The following CCDC59 variants were observed in gnomAD, a reference collection of about 807,000 sequenced individuals.
The protein encoded by CCDC59 is coiled-coil domain containing 59.
CCDC59 carries 27 observed loss-of-function variants against 30.5 expected under a neutral mutation model. The observed-to-expected ratio is 0.89, with a 90% CI of 0.65 to 1.22. The LOEUF (loss-of-function observed/expected upper bound fraction) is 1.22. Ranked by LOEUF, CCDC59 falls within the 50% of genes most tolerant of loss-of-function variation. The pLI is 0.00. For missense variants in CCDC59, 362 were observed against 284.4 expected (o/e 1.27, Z -1.96); for synonymous variants, 125 against 100.9 (o/e 1.24, Z -1.43).
At position 82,358,284 on chromosome 12, in the gene CCDC59, A is replaced by G; in HGVS notation, c.93T>C (p.Asn31=). ...GVSTVGYRNK[N]VRQKTWRPNH... ...TAGGCCGCCATGTCTTCTGTCTCAC[A>G]TTCTTATTCCTGTACCCGACAGTGG... The change falls in exon 1 of 4, where the codon AAT becomes AAC. Residue 31 remains asparagine, a synonymous_variant. Coordinates refer to ENST00000256151, the MANE Select transcript of CCDC59 (RefSeq NM_014167.5). The G allele has an allele frequency of 6.2e-7, 1 of 1,614,152 alleles. No individual in the cohort carries two copies. The highest frequency in any genetic ancestry group is 1.7e-5 in the Admixed American group (1 of 60,030).
Position 82,353,143 on chromosome 12 carries a change from C to T in CCDC59, c.*8G>A. On this transcript the variant is annotated 3_prime_UTR_variant, in exon 4 of 4. Coordinates refer to ENST00000256151, the MANE Select transcript of CCDC59 (RefSeq NM_014167.5). ...CAGCAGATATTTTAACCTGTAGGAACAAAATGTTTAACATTTTTCTTGTAT... is the reference window on the plus strand; with the variant it reads ...CAGCAGATATTTTAACCTGTAGGAATAAAATGTTTAACATTTTTCTTGTAT... The T allele has an allele frequency of 1.9e-6, 3 of 1,594,246 alleles. No homozygotes were observed. Among genetic ancestry groups the T allele is most frequent in the Middle Eastern group, 2.3e-4 (1 of 4,348 alleles).
chr12:82,357,041 C>A lies in CCDC59; in HGVS notation c.383G>T (p.Cys128Phe). The A allele has an allele frequency of 6.2e-7, 1 of 1,614,180 alleles. No homozygotes were observed. ...QVHQPLLEEQ[C>F]SIDEPLFEDQ... is the part of the protein sequence containing the mutation. ...TTCAAATAAAGGCTCGTCAATGCTACACTGTTCTTCAAGCAACGGCTGGTG... is the reference window on the plus strand; with the variant it reads ...TTCAAATAAAGGCTCGTCAATGCTAAACTGTTCTTCAAGCAACGGCTGGTG... Residue 128 changes from cysteine to phenylalanine, a missense_variant, in exon 2 of 4, where the codon TGT (cysteine) becomes TTT (phenylalanine). Physicochemically the swap from Cys to Phe is radical, Grantham distance 205. Coordinates refer to ENST00000256151, the MANE Select transcript of CCDC59 (RefSeq NM_014167.5).
rs1416254800 is a variant in CCDC59 at position 82,354,558 on chromosome 12, T to C, written c.501A>G (p.Thr167=). The change falls in exon 3 of 4, where the codon ACA becomes ACG. Residue 167 remains threonine (T), a synonymous_variant. Coordinates refer to ENST00000256151, the MANE Select transcript of CCDC59 (RefSeq NM_014167.5). The part of the protein sequence containing the change: ...FTIPKKNKKK[T]SNQKAQEEYE... ...ATTCTTCTTGTGCTTTTTGATTTGA[T>C]GTTTTCTTTTTATTTTTCTTTGGAA... 6.3e-7 allele frequency: 1 copy of C among 1,596,526 alleles called. No homozygotes were observed. The highest frequency in any genetic ancestry group is 8.6e-7 in the Non-Finnish European group (1 of 1,168,830).
chr12:82,356,532 C>T (rs1269769516), intron 2 of CCDC59, among the ~76,000 whole-genome samples: 1 of 152,156 alleles, frequency 6.6e-6, no homozygotes, highest in African/African-American at 2.4e-5. Context: ...TTATCTTTCC[C>T]AATTTAAAGA....
chr12:82,353,195 C>G lies in CCDC59; in HGVS notation c.682G>C (p.Val228Leu). Residue 228 changes from valine (V) to leucine (L), a missense_variant, in exon 4 of 4, where the codon GTA becomes CTA. Transcript: ENST00000256151. ...KTKKGQPNLN[V>L]QMEYLLQKIQ... ...TTTTGAAGAAGGTACTCCATTTGTA[C>G]ATTCAAGTTTGGTTGGCCCTTTTTA... 1 of 1,609,546 alleles carries G rather than the reference C, an allele frequency of 6.2e-7. No individual in the cohort carries two copies. Among genetic ancestry groups the G allele is most frequent in the African/African-American group, 1.3e-5 (1 of 74,738 alleles).
chr12:82,355,822 A>C (rs1392006761), intron 2 of CCDC59: 1 of 152,144 alleles, frequency 6.6e-6, no homozygotes, highest in East Asian at 1.9e-4. Context: ...TGAAAAGCTT[A>C]ACTTCCTCAA....
chr12:82,358,004 G>A (rs1021465747), intron 1 of CCDC59, among the ~76,000 whole-genome samples: 2 of 152,206 alleles, frequency 1.3e-5, no homozygotes, highest in African/African-American at 2.4e-5. Flanking sequence ...ATGAAATACA[G>A]GGTTACGTCA....
chr12:82,357,359 T>C (rs1387353480), intron 1 of CCDC59, 90 bp from the exon 2 acceptor site: 5 of 1,040,978 alleles, frequency 4.8e-6, no homozygotes, highest in Admixed American at 2.5e-5. Flanking sequence ...AAACTTTTTT[T>C]ACGTCATCAC....
intron 2 of CCDC59, chr12:82,355,556 C>G (rs1313502665): frequency 6.6e-6 from 1 of 152,182 alleles, no homozygotes; most frequent in Non-Finnish European, 1.5e-5. Flanking sequence ...ATACTTCAAA[C>G]TGCAAAAGTT....
intron 1 of CCDC59, 172 bp from the exon 2 acceptor site, chr12:82,357,441 T>C (rs1288161332): frequency 2.3e-5 from 14 of 613,984 alleles, no homozygotes; most frequent in African/African-American, 5.5e-5. Flanking sequence ...ATGGATTGCA[T>C]AGTAAGTTGG....
Position 82,358,354 on chromosome 12 carries a change from G to A in CCDC59, c.23C>T (p.Ala8Val), listed in dbSNP as rs139862859. The change falls in exon 1 of 4, where the codon GCG (alanine) becomes GTG (valine). Residue 8 changes from alanine to valine, a missense_variant. Coordinates refer to ENST00000256151, the MANE Select transcript of CCDC59 (RefSeq NM_014167.5). MAPVRRSAKWRPGGIEAR... is the reference protein window; with the variant it reads MAPVRRSVKWRPGGIEAR... Reference sequence around the variant, plus strand: ...CTCAATACCACCAGGCCGCCACTTCGCGGACCGCCTCACCGGCGCCATTGC... The same window carrying A: ...CTCAATACCACCAGGCCGCCACTTCACGGACCGCCTCACCGGCGCCATTGC... 3.7e-6 allele frequency: 6 copies of A among 1,613,588 alleles called. No homozygotes were observed. The highest frequency in any genetic ancestry group is 4.2e-6 in the Non-Finnish European group (5 of 1,180,028).
At position 82,354,503 on chromosome 12, in the gene CCDC59, T is replaced by G. The variant is rs762140623; in HGVS notation, c.556A>C (p.Lys186Gln). The G allele has an allele frequency of 2.5e-6, 4 of 1,590,772 alleles. No individual in the cohort carries two copies. In the South Asian group the frequency reaches 4.6e-5, roughly 18 times the overall value. Residue 186 changes from lysine (K) to glutamine (Q), a missense_variant, in exon 3 of 4, where the codon AAG (lysine) becomes CAG (glutamine). By Grantham distance (53) the Lys-to-Gln change is moderately conservative. Coordinates refer to ENST00000256151, the MANE Select transcript of CCDC59 (RefSeq NM_014167.5). ...YEQIQAKRAA[K>Q]KQEFERRKQE... is the part of the protein sequence containing the mutation. ...TTCAAAGTAGAACTTACTTGTTTCT[T>G]AGCAGCACGTTTGGCTTGTATCTGT...
intron 3 of CCDC59, 109 bp from the exon 4 acceptor site, chr12:82,353,421 C>T: frequency 1.2e-6 from 1 of 859,134 alleles, no homozygotes; most frequent in South Asian, 2.1e-5. Context: ...TTTGTCTCTT[C>T]TATTTTGCAA....
rs556932228 is a variant in CCDC59, at chr12:82,353,291, C to G, written c.586G>C (p.Glu196Gln). 14 of 1,602,444 alleles carry G rather than the reference C, an allele frequency of 8.7e-6. No homozygotes were observed. In the East Asian group the frequency reaches 2.9e-4, roughly 33 times the overall value. Residue 196 changes from glutamate (E) to glutamine (Q), a missense_variant, in exon 4 of 4, where the codon GAG (glutamate) becomes CAG (glutamine). Transcript: ENST00000256151. ...KKQEFERRKQEREEAQRQYKK... is the reference protein window; with the variant it reads ...KKQEFERRKQQREEAQRQYKK... ...TACTGCCTTTGGGCTTCTTCTCTCT[C>G]CTGTTTTCTCCTCTCGAATTCCTAA...
chr12:82,354,783 T>C (rs1880954987), intron 2 of CCDC59, 189 bp from the exon 3 acceptor site: 4 of 424,390 alleles, frequency 9.4e-6, no homozygotes, highest in African/African-American at 2.1e-5. Context: ...AAAAAAAAAC[T>C]TTTAAAAGTA....
Position 82,358,191 on chromosome 12 carries a change from G to T in CCDC59, c.154+32C>A, listed in dbSNP as rs1455359239. On this transcript the variant is annotated intron_variant, in intron 1 of 3. Coordinates refer to ENST00000256151, the MANE Select transcript of CCDC59 (RefSeq NM_014167.5). ...TTATATCCTAAAACTTAGCAAGCCT[G>T]AGGATTTGCAAATGGTTGCCTTCTT... 3 of 1,613,358 alleles carry T rather than the reference G, an allele frequency of 1.9e-6. No homozygotes were observed. In the South Asian group the frequency reaches 3.3e-5, roughly 18 times the overall value.
chr12:82,357,907 C>G (rs1477503251), intron 1 of CCDC59, among the ~76,000 whole-genome samples: 2 of 152,212 alleles, frequency 1.3e-5, no homozygotes, highest in Non-Finnish European at 2.9e-5. Context: ...CCTCTCTATC[C>G]TTTACCTTAC....
At chr12:82,354,440 T>TA (rs1880937865) in intron 3 of CCDC59, 55 bp downstream of exon 3, 5 of 1,338,776 alleles carry the variant, frequency 3.7e-6, no homozygotes, top group Non-Finnish European at 4.1e-6. Context: ...GTATAGTATA[T>TA]ATATTTAGGA....
rs375423981 is a variant in CCDC59 at position 82,358,194 on chromosome 12, G to C, written c.154+29C>G. The C allele has an allele frequency of 4.3e-6, 7 of 1,613,616 alleles. No individual in the cohort carries two copies. The Admixed American group carries it at 5.0e-5, about 12-fold the overall frequency. On this transcript the variant is annotated intron_variant, in intron 1 of 3. Coordinates refer to ENST00000256151, the MANE Select transcript of CCDC59 (RefSeq NM_014167.5). ...TATCCTAAAACTTAGCAAGCCTGAG[G>C]ATTTGCAAATGGTTGCCTTCTTACA...
Sources: allele counts gnomAD v4.1 joint callset (sites outside exome capture counted in the v4.1 genomes callset), GRCh38; gene constraint gnomAD v4.1.1; transcripts MANE v1.5; gene names NCBI Gene and HGNC (gene_info 2026-07-23, HGNC 2026-07-21).